The following KCNAB1 variants were observed in gnomAD, a reference collection of about 807,000 sequenced individuals.
KCNAB1 encodes the protein voltage-gated potassium channel subunit beta-1.
In KCNAB1, 35 loss-of-function variants were observed where a neutral mutation model predicts 64.6. That is an observed-to-expected ratio of 0.54 (90% CI 0.41 to 0.72). The LOEUF (loss-of-function observed/expected upper bound fraction) is 0.72, where lower values mean the gene tolerates loss of function less well. Among genes scored for constraint, KCNAB1 ranks in the 30% least tolerant of loss-of-function variants. KCNAB1 has a pLI of 0.00. For synonymous variants in KCNAB1, 177 were observed against 183.8 expected, an observed-to-expected ratio of 0.96 and a Z score of 0.30; for missense variants, 401 against 512.9, an observed-to-expected ratio of 0.78 and a Z score of 2.11.
chr3:156,290,026 G>A (rs1176081355), intron 1 of KCNAB1, among the ~76,000 whole-genome samples: 1 of 152,150 alleles, frequency 6.6e-6, no homozygotes, highest in Non-Finnish European at 1.5e-5. Flanking sequence ...CTTCTTGAGG[G>A]CCCAGCCTCT....
At chr3:156,414,514 T>C (rs970411842) in intron 1 of KCNAB1, among the ~76,000 whole-genome samples, 1 of 152,222 alleles carries the variant, frequency 6.6e-6, no homozygotes, top group African/African-American at 2.4e-5. Flanking sequence ...TTTGAAGTGA[T>C]ACAAAAACAC....
intron 1 of KCNAB1, among the ~76,000 whole-genome samples, chr3:156,346,081 C>T (rs559184895): frequency 1.1e-4 from 16 of 151,364 alleles, no homozygotes; most frequent in Non-Finnish European, 1.5e-4. Context: ...GTAAGTTTTC[C>T]GTGTTCATAC....
At chr3:156,187,934 A>G (rs956660873) in intron 1 of KCNAB1, among the ~76,000 whole-genome samples, 1 of 152,174 alleles carries the variant, frequency 6.6e-6, no homozygotes, top group African/African-American at 2.4e-5. Context: ...TTTGTACTTC[A>G]CAAGCTTATC....
intron 8 of KCNAB1, among the ~76,000 whole-genome samples, chr3:156,479,040 C>T (rs555197732): frequency 4.7e-4 from 71 of 152,260 alleles, no homozygotes; most frequent in African/African-American, 1.7e-3. Context: ...ACTTTTTCCT[C>T]TGTCCCTCTT....
chr3:156,395,760 C>G lies in KCNAB1; in HGVS notation c.276-25856C>G, dbSNP rs76338289. On this transcript the variant is annotated intron_variant, in intron 1 of 13. Coordinates refer to ENST00000490337, the MANE Select transcript of KCNAB1 (RefSeq NM_172160.3). Reference sequence around the variant, plus strand: ...AATGCTTCATTCTGGGTAGCTCGCTCTCTTTGGATTTAAATATGTATTCTG... The same window carrying G: ...AATGCTTCATTCTGGGTAGCTCGCTGTCTTTGGATTTAAATATGTATTCTG... 8.6e-5 allele frequency among the ~76,000 whole-genome samples: 13 copies of G among 152,036 alleles called. No homozygotes were observed. The East Asian group carries it at 2.3e-3, about 27-fold the overall frequency.
At chr3:156,251,485 G>A (rs1464355135) in intron 1 of KCNAB1, among the ~76,000 whole-genome samples, 1 of 152,156 alleles carries the variant, frequency 6.6e-6, no homozygotes, top group Non-Finnish European at 1.5e-5. Context: ...TGGAATATCT[G>A]GGTATATATT....
chr3:156,142,168 T>A (rs1455378018), intron 1 of KCNAB1, among the ~76,000 whole-genome samples: 1 of 152,244 alleles, frequency 6.6e-6, no homozygotes, highest in African/African-American at 2.4e-5. Flanking sequence ...GTCAGATATG[T>A]GGTTTGCAAA....
In KCNAB1 at chr3:156,162,309, A is replaced by G. The variant is rs148661126; in HGVS notation, c.275+41423A>G. On this transcript the variant is annotated intron_variant, in intron 1 of 13. Transcript: ENST00000490337. ...GAGAAAATGGTAGCAATATCACTAT[A>G]CCTGTTTATTTTTGTGCATTATGTG... Among the ~76,000 whole-genome samples the G allele has an allele frequency of 3.1e-3, 475 of 152,006 alleles. 5 individuals are homozygous for G. Among genetic ancestry groups the G allele is most frequent in the African/African-American group, 0.011 (455 of 41,446 alleles).
At chr3:156,415,131 G>C (rs943059125) in intron 1 of KCNAB1, among the ~76,000 whole-genome samples, 3 of 152,160 alleles carry the variant, frequency 2.0e-5, no homozygotes, top group Non-Finnish European at 4.4e-5. Flanking sequence ...TAGGGCAACT[G>C]AGAGGATCAT....
chr3:156,393,471 A>C (rs1713195727), intron 1 of KCNAB1, among the ~76,000 whole-genome samples: 1 of 152,048 alleles, frequency 6.6e-6, no homozygotes, highest in Non-Finnish European at 1.5e-5. Context: ...CCCTTCTCTT[A>C]CTAATCCAAC....
intron 1 of KCNAB1, among the ~76,000 whole-genome samples, chr3:156,391,505 A>G (rs950372457): frequency 2.0e-5 from 3 of 152,240 alleles, no homozygotes; most frequent in Non-Finnish European, 2.9e-5. Flanking sequence ...GAGAGCTAAA[A>G]TAACTTCCCT....
At chr3:156,234,677 A>G (rs13070615) in intron 1 of KCNAB1, among the ~76,000 whole-genome samples, 18,580 of 152,134 alleles carry the variant, frequency 0.12, 1,314 homozygotes, top group Non-Finnish European at 0.16. Context: ...GGTACCACTA[A>G]GGGCTCCTAA....
intron 1 of KCNAB1, among the ~76,000 whole-genome samples, chr3:156,218,807 T>TAATAATAAA (rs1560142187): frequency 2.3e-5 from 3 of 130,584 alleles, no homozygotes; most frequent in African/African-American, 8.6e-5. Context: ...AAAAAAATAA[T>TAATAATAAA]AATAAAATAA....
intron 8 of KCNAB1, among the ~76,000 whole-genome samples, chr3:156,507,537 A>G (rs1425371569): frequency 6.6e-6 from 1 of 152,236 alleles, no homozygotes; most frequent in Non-Finnish European, 1.5e-5. Flanking sequence ...ATCTCCAGGC[A>G]TCAAGCTGAG....
chr3:156,474,232 AT>A (rs1470907609), intron 7 of KCNAB1, among the ~76,000 whole-genome samples: 1 of 152,224 alleles, frequency 6.6e-6, no homozygotes, highest in Admixed American at 6.5e-5. Flanking sequence ...TTATATTACT[AT>A]TAAAACCAAC....
intron 2 of KCNAB1, among the ~76,000 whole-genome samples, chr3:156,428,176 C>CT (rs1172142757): frequency 6.6e-6 from 1 of 152,168 alleles, no homozygotes; most frequent in Non-Finnish European, 1.5e-5. Flanking sequence ...AACTTACAGA[C>CT]TGAGTAAAGC....
intron 1 of KCNAB1, among the ~76,000 whole-genome samples, chr3:156,180,807 A>C (rs1309267507): frequency 6.6e-6 from 1 of 152,146 alleles, no homozygotes; most frequent in African/African-American, 2.4e-5. Flanking sequence ...AGGGAGGGAG[A>C]ACAGAAATGT....
chr3:156,304,577 A>C (rs558604768), intron 1 of KCNAB1, among the ~76,000 whole-genome samples: 2 of 152,346 alleles, frequency 1.3e-5, no homozygotes, highest in South Asian at 4.1e-4. Context: ...TTGGCAAATG[A>C]CATTTCTGAA....
At chr3:156,206,089 A>G (rs1326675849) in intron 1 of KCNAB1, among the ~76,000 whole-genome samples, 2 of 151,882 alleles carry the variant, frequency 1.3e-5, no homozygotes, top group African/African-American at 2.4e-5. Context: ...GGGAGTTTGC[A>G]CTCCCCAGTT....
Sources: gnomAD v4.1 joint callset for allele counts (sites outside exome capture counted in the v4.1 genomes callset) on GRCh38, gnomAD v4.1.1 for gene constraint, MANE v1.5 for transcripts, NCBI Gene and HGNC (gene_info 2026-07-23, HGNC 2026-07-21) for gene names.